MRPS28: variants seen among roughly 807,000 people sequenced by gnomAD.
MRPS28 encodes mitochondrial ribosomal protein S28, also known as small ribosomal subunit protein bS1m.
Under a neutral mutation model 10.8 loss-of-function variants are expected in MRPS28, and 7 were observed. The ratio of observed to expected loss-of-function variants is 0.65; its 90% CI spans 0.37 to 1.22. The LOEUF (loss-of-function observed/expected upper bound fraction) is 1.22, where lower values mean the gene tolerates loss of function less well. MRPS28 is among the 50% of genes most tolerant of loss of function. MRPS28 has a pLI of 0.02. For missense variants in MRPS28, 265 were observed against 232.9 expected (o/e 1.14, Z -0.90); for synonymous variants, 121 against 93.3 (o/e 1.30, Z -1.71).
At chr8:79,964,412 G>T (rs1032646072) in intron 2 of MRPS28, among the ~76,000 whole-genome samples, 5 of 152,074 alleles carry the variant, frequency 3.3e-5, no homozygotes, top group Non-Finnish European at 7.4e-5. Context: ...GGCTTAAAAT[G>T]GTTTGCTTGA....
chr8:79,919,830 G>A (rs1810025496), intron 2 of MRPS28, among the ~76,000 whole-genome samples: 2 of 152,110 alleles, frequency 1.3e-5, no homozygotes, highest in East Asian at 1.9e-4. Context: ...TAAGTTTTAG[G>A]GTACATGTGC....
chr8:79,946,880 A>C (rs1806933927), intron 2 of MRPS28, among the ~76,000 whole-genome samples: 1 of 152,168 alleles, frequency 6.6e-6, no homozygotes, highest in Non-Finnish European at 1.5e-5. Context: ...AAATCAGCTT[A>C]ATAGACAAAA....
At chr8:79,928,725 G>A (rs985711305) in intron 2 of MRPS28, among the ~76,000 whole-genome samples, 1 of 149,668 alleles carries the variant, frequency 6.7e-6, no homozygotes, top group Non-Finnish European at 1.5e-5. Flanking sequence ...ACAGGCATAA[G>A]CCACCATGCC....
intron 2 of MRPS28, among the ~76,000 whole-genome samples, chr8:79,931,641 G>A (rs1482366945): frequency 6.6e-6 from 1 of 152,138 alleles, no homozygotes; most frequent in African/African-American, 2.4e-5. Context: ...AAAAGACTTA[G>A]TAAATCCTCA....
intron 2 of MRPS28, among the ~76,000 whole-genome samples, chr8:79,939,398 T>C (rs1048774848): frequency 1.3e-5 from 2 of 152,174 alleles, no homozygotes; most frequent in African/African-American, 2.4e-5. Flanking sequence ...GCCTATAATA[T>C]ACATACTTCC....
At chr8:79,984,446 G>C (rs1396412748) in intron 2 of MRPS28, among the ~76,000 whole-genome samples, 15 of 152,176 alleles carry the variant, frequency 9.9e-5, no homozygotes, top group Non-Finnish European at 2.9e-5. Context: ...AATGTAAATG[G>C]ACTAAATGCT....
intron 2 of MRPS28, among the ~76,000 whole-genome samples, chr8:79,991,618 AAAC>A (rs1223770168): frequency 6.6e-6 from 1 of 152,216 alleles, no homozygotes; most frequent in African/African-American, 2.4e-5. Context: ...TTAACACTGA[AAAC>A]AGAGCAGAGA....
intron 1 of MRPS28, among the ~76,000 whole-genome samples, chr8:80,021,054 G>A (rs1040417967): frequency 1.3e-5 from 2 of 150,660 alleles, no homozygotes; most frequent in East Asian, 1.9e-4. Flanking sequence ...CTAGGCTGGA[G>A]TGCAGTGGCA....
intron 1 of MRPS28, 48 bp from the exon 2 acceptor site, chr8:80,003,228 T>C (rs1253315644): frequency 1.6e-6 from 2 of 1,281,194 alleles, no homozygotes; most frequent in Non-Finnish European, 2.0e-6. Flanking sequence ...AACATGAAGG[T>C]ATAATAAAGT....
chr8:79,981,304 A>C (rs1807946874), intron 2 of MRPS28, among the ~76,000 whole-genome samples: 1 of 152,186 alleles, frequency 6.6e-6, no homozygotes, highest in African/African-American at 2.4e-5. Context: ...CAGCCTGGGC[A>C]ACACAGCGAC....
chr8:80,007,637 CAGAG>C (rs1694275082), intron 1 of MRPS28, among the ~76,000 whole-genome samples: 1 of 152,096 alleles, frequency 6.6e-6, no homozygotes, highest in African/African-American at 2.4e-5. Flanking sequence ...AACAGACAAA[CAGAG>C]AGCCAAATCA....
At chr8:79,956,478 C>A (rs914721326) in intron 2 of MRPS28, 2 of 151,996 alleles carry the variant, frequency 1.3e-5, no homozygotes, top group African/African-American at 4.8e-5. Context: ...AATTTAAATA[C>A]TTTTTTTAAC....
rs535098249 is a variant in MRPS28 at position 79,949,943 on chromosome 8, A to G, written c.396-30795T>C. On this transcript the variant is annotated intron_variant, in intron 2 of 2. Transcript: ENST00000276585. ...CTTTAAATAAACTTTTCTTCCCTAG[A>G]ACAAATATATCATGAATAATATTTG... 2.0e-5 allele frequency among the ~76,000 whole-genome samples: 3 copies of G among 152,346 alleles called. No individual in the cohort carries two copies. The South Asian group carries it at 6.2e-4, about 32-fold the overall frequency.
chr8:79,948,747 A>C (rs1282660339), intron 2 of MRPS28, among the ~76,000 whole-genome samples: 1 of 152,070 alleles, frequency 6.6e-6, no homozygotes, highest in African/African-American at 2.4e-5. Flanking sequence ...TTTTTATATT[A>C]ATATGATGAA....
intron 2 of MRPS28, among the ~76,000 whole-genome samples, chr8:79,950,602 A>G (rs1431255032): frequency 1.3e-5 from 2 of 152,178 alleles, no homozygotes; most frequent in African/African-American, 4.8e-5. Context: ...CGGATAGATG[A>G]CTAGAAATAA....
At chr8:79,933,237 A>G (rs1202690056) in intron 2 of MRPS28, among the ~76,000 whole-genome samples, 2 of 152,188 alleles carry the variant, frequency 1.3e-5, no homozygotes, top group Non-Finnish European at 2.9e-5. Context: ...GCTCGGGCCA[A>G]TTCAATTTCT....
intron 2 of MRPS28, among the ~76,000 whole-genome samples, chr8:79,929,717 G>A (rs1278946797): frequency 6.6e-6 from 1 of 152,120 alleles, no homozygotes; most frequent in Non-Finnish European, 1.5e-5. Flanking sequence ...TGGTTGGAAA[G>A]GGAACAGGTT....
intron 2 of MRPS28, among the ~76,000 whole-genome samples, chr8:79,982,484 A>T (rs1419217360): frequency 6.6e-6 from 1 of 152,226 alleles, no homozygotes; most frequent in African/African-American, 2.4e-5. Context: ...GGGAAGCACA[A>T]GGGGTCAGGG....
At chr8:79,930,876 CTT>C (rs1237676902) in intron 2 of MRPS28, among the ~76,000 whole-genome samples, 1 of 152,182 alleles carries the variant, frequency 6.6e-6, no homozygotes, top group African/African-American at 2.4e-5. Context: ...AAAGTACACA[CTT>C]CAGAATTTCT....
Sources: gnomAD v4.1 joint callset for allele counts (sites outside exome capture counted in the v4.1 genomes callset) on GRCh38, gnomAD v4.1.1 for gene constraint, MANE v1.5 for transcripts, NCBI Gene and HGNC (gene_info 2026-07-23, HGNC 2026-07-21) for gene names.